Variants in PSD3 observed in about 807,000 individuals in gnomAD.
The protein encoded by PSD3 is PH and SEC7 domain-containing protein 3.
Under a neutral mutation model 105.5 loss-of-function variants are expected in PSD3, and 49 were observed. That is an observed-to-expected ratio of 0.46 (90% CI 0.37 to 0.59). The LOEUF is 0.59. Ranked by LOEUF, PSD3 falls within the 20% of genes least tolerant of loss-of-function variation. PSD3 has a pLI of 0.00. For missense variants in PSD3, 1,561 were observed against 1,263.8 expected, an observed-to-expected ratio of 1.24 and a Z score of -3.57; for synonymous variants, 557 against 457.8, an observed-to-expected ratio of 1.22 and a Z score of -2.77.
chr8:18,693,789 C>T (rs1163077096), intron 9 of PSD3, among the ~76,000 whole-genome samples: 1 of 152,204 alleles, frequency 6.6e-6, no homozygotes, highest in East Asian at 1.9e-4. Flanking sequence ...ATAGCCTCCT[C>T]CTCCATTCTG....
intron 4 of PSD3, among the ~76,000 whole-genome samples, chr8:18,828,066 TA>T (rs781591977): frequency 0.079 from 8,656 of 110,128 alleles, 360 homozygotes; most frequent in African/African-American, 0.16. Context: ...TATATATATA[TA>T]TTTTTTTTTT....
At chr8:18,930,512 A>G (rs182248262) in intron 2 of PSD3, among the ~76,000 whole-genome samples, 18 of 152,074 alleles carry the variant, frequency 1.2e-4, no homozygotes, top group South Asian at 6.2e-4. Context: ...GTATCAAGAA[A>G]TGGAATGGCC....
intron 14 of PSD3, among the ~76,000 whole-genome samples, chr8:18,562,058 G>A (rs770365853): frequency 6.6e-6 from 1 of 152,216 alleles, no homozygotes; most frequent in South Asian, 2.1e-4. Context: ...CTCCAAGAGG[G>A]AAAGGAGGAA....
At chr8:19,018,262 C>A (rs1827237647), upstream of PSD3, among the ~76,000 whole-genome samples, 2 of 152,014 alleles carry the variant, frequency 1.3e-5, no homozygotes, top group Admixed American at 1.3e-4. Context: ...AATATGTTTT[C>A]AAATTTTGGA....
chr8:18,606,930 C>T (rs578251458), intron 11 of PSD3, among the ~76,000 whole-genome samples: 14 of 152,272 alleles, frequency 9.2e-5, no homozygotes, highest in African/African-American at 2.4e-4. Flanking sequence ...CCATTATTAA[C>T]TATATTTACA....
intron 15 of PSD3, among the ~76,000 whole-genome samples, chr8:18,542,838 C>T (rs1329587860): frequency 1.3e-5 from 2 of 152,094 alleles, no homozygotes; most frequent in African/African-American, 4.8e-5. Context: ...AAAATGCGTG[C>T]CTCAGGGTCA....
chr8:18,850,797 C>T (rs1437005143), intron 4 of PSD3, among the ~76,000 whole-genome samples: 1 of 152,168 alleles, frequency 6.6e-6, no homozygotes, highest in Non-Finnish European at 1.5e-5. Flanking sequence ...CCATCAATAG[C>T]AGAGTTGGAC....
chr8:18,923,371 T>C (rs1008646269), intron 2 of PSD3, among the ~76,000 whole-genome samples: 1 of 152,314 alleles, frequency 6.6e-6, no homozygotes, highest in South Asian at 2.1e-4. Flanking sequence ...AGTTAATTCA[T>C]TAGCATACAA....
At chr8:18,643,104 G>A (rs1018354234) in intron 10 of PSD3, among the ~76,000 whole-genome samples, 3 of 152,184 alleles carry the variant, frequency 2.0e-5, no homozygotes, top group Admixed American at 6.5e-5. Context: ...ATTTCTTACA[G>A]TTCTGGAGAC....
chr8:18,898,626 T>C (rs1186918913), intron 2 of PSD3, among the ~76,000 whole-genome samples: 1 of 152,198 alleles, frequency 6.6e-6, no homozygotes, highest in Admixed American at 6.5e-5. Flanking sequence ...ACTGATAATA[T>C]AAATAGGGAA....
chr8:18,938,620 T>C (rs1167920425), intron 1 of PSD3, among the ~76,000 whole-genome samples: 2 of 118,496 alleles, frequency 1.7e-5, no homozygotes, highest in South Asian at 3.2e-4. Flanking sequence ...CGAAAATCCG[T>C]CTCAAACAAA....
chr8:18,766,350 G>C (rs7014135), intron 8 of PSD3, among the ~76,000 whole-genome samples: 145,571 of 152,280 alleles, frequency 0.96, 69,749 homozygotes, highest in Non-Finnish European at 0.97. Flanking sequence ...CAAAAACAAA[G>C]CAACCACAGG....
At chr8:18,835,861 G>C (rs1014237047) in intron 4 of PSD3, among the ~76,000 whole-genome samples, 5 of 152,234 alleles carry the variant, frequency 3.3e-5, no homozygotes, top group African/African-American at 1.2e-4. Flanking sequence ...AGGCCACAGA[G>C]CGGTGTATGC....
At chr8:18,967,136 T>C (rs1824311119) in intron 1 of PSD3, among the ~76,000 whole-genome samples, 1 of 150,578 alleles carries the variant, frequency 6.6e-6, no homozygotes, top group Non-Finnish European at 1.5e-5. Context: ...GAATCCCACT[T>C]AGGATTTTCT....
chr8:18,629,667 G>A (rs1004630357), intron 11 of PSD3, among the ~76,000 whole-genome samples: 9 of 151,856 alleles, frequency 5.9e-5, no homozygotes, highest in African/African-American at 2.2e-4. Flanking sequence ...AGGGCCCAAA[G>A]ACAGATAATC....
At chr8:18,614,418 T>C (rs1247498959) in intron 11 of PSD3, among the ~76,000 whole-genome samples, 1 of 151,340 alleles carries the variant, frequency 6.6e-6, no homozygotes, top group Non-Finnish European at 1.5e-5. Flanking sequence ...GGAATTTTTT[T>C]TTTTTTAGTG....
At chr8:18,558,515 G>A (rs1801210445) in intron 14 of PSD3, among the ~76,000 whole-genome samples, 1 of 152,128 alleles carries the variant, frequency 6.6e-6, no homozygotes, top group Non-Finnish European at 1.5e-5. Context: ...ATAAAGATAT[G>A]TAACCATAAA....
At chr8:19,078,612 C>A (rs927390801) in intron 1 of PSD3, among the ~76,000 whole-genome samples, 1 of 151,996 alleles carries the variant, frequency 6.6e-6, no homozygotes, top group African/African-American at 2.4e-5. Context: ...CATGGTGTAA[C>A]CATCTTCAGG....
chr8:18,980,135 A>G (rs928323458), intron 1 of PSD3, among the ~76,000 whole-genome samples: 1 of 152,180 alleles, frequency 6.6e-6, no homozygotes, highest in Non-Finnish European at 1.5e-5. Context: ...CTACTTAAAG[A>G]CCTACTGTCT....
Sources: allele counts gnomAD v4.1 joint callset (sites outside exome capture counted in the v4.1 genomes callset), GRCh38; gene constraint gnomAD v4.1.1; transcripts MANE v1.5; gene names NCBI Gene and HGNC (gene_info 2026-07-23, HGNC 2026-07-21).